LRP1B: variants seen among roughly 807,000 people sequenced by gnomAD.
LRP1B encodes the protein low-density lipoprotein receptor-related protein 1B.
LRP1B carries 217 observed loss-of-function variants against 556.6 expected under a neutral mutation model. The observed-to-expected ratio is 0.39, with a 90% confidence interval of 0.35 to 0.44. LRP1B has a LOEUF of 0.44. LRP1B is among the 20% of genes least tolerant of loss of function. The probability of loss-of-function intolerance (pLI) is 1.00; values close to 1 mark genes in which losing one functional copy is unlikely to be tolerated. For synonymous variants in LRP1B, 2,047 were observed against 1,865.8 expected, an observed-to-expected ratio of 1.10 and a Z score of -2.50; for missense variants, 5,053 against 5,620.8, an observed-to-expected ratio of 0.90 and a Z score of 3.23.
In LRP1B at chr2:140,654,855, AC is replaced by A. The variant is rs1684820373; in HGVS notation, c.6799+45394del. On this transcript the variant is annotated intron_variant, in intron 41 of 90. Coordinates refer to ENST00000389484, the MANE Select transcript of LRP1B (RefSeq NM_018557.3). ...ATCTGCTCTCCGTATTGTTCACTCA[AC>A]TCTATGCTAGTTTGTCATGTGAAAT... Among the ~76,000 whole-genome samples, 2 of 152,020 alleles carry A rather than the reference AC, an allele frequency of 1.3e-5. 1 individual carries two copies. Among genetic ancestry groups the A allele is most frequent in the South Asian group, 4.1e-4 (2 of 4,822 alleles).
intron 1 of LRP1B, among the ~76,000 whole-genome samples, chr2:141,841,812 A>AAT (rs1697483403): frequency 6.6e-6 from 1 of 152,196 alleles, no homozygotes; most frequent in South Asian, 2.1e-4. Context: ...ACCTGCTGAA[A>AAT]ATATTACATC....
At chr2:141,494,682 C>A (rs934585744) in intron 2 of LRP1B, among the ~76,000 whole-genome samples, 2 of 151,010 alleles carry the variant, frequency 1.3e-5, no homozygotes, top group Admixed American at 1.3e-4. Flanking sequence ...CAAAAGGCTT[C>A]TCTTTCCTCA....
chr2:141,578,935 C>T (rs575398252), intron 2 of LRP1B, among the ~76,000 whole-genome samples: 24 of 152,234 alleles, frequency 1.6e-4, no homozygotes, highest in African/African-American at 5.3e-4. Context: ...CAATACATGA[C>T]GATTTGAGTT....
chr2:140,730,943 T>C (rs1338618721), intron 35 of LRP1B, among the ~76,000 whole-genome samples: 1 of 152,166 alleles, frequency 6.6e-6, no homozygotes, highest in Non-Finnish European at 1.5e-5. Context: ...TTTCTGGTAG[T>C]GTCTCACACG....
chr2:140,446,048 T>C (rs1198894920), intron 63 of LRP1B, among the ~76,000 whole-genome samples: 1 of 133,970 alleles, frequency 7.5e-6, no homozygotes, highest in Non-Finnish European at 1.7e-5. Context: ...TCTGCTTCCA[T>C]AGAAATGAGA....
chr2:140,929,299 T>C (rs1694979271), intron 20 of LRP1B, among the ~76,000 whole-genome samples: 1 of 152,134 alleles, frequency 6.6e-6, no homozygotes, highest in South Asian at 2.1e-4. Flanking sequence ...AGTGGAAGAC[T>C]GTCCTGGACT....
chr2:141,900,689 T>G (rs1372607107), intron 1 of LRP1B, among the ~76,000 whole-genome samples: 1 of 152,068 alleles, frequency 6.6e-6, no homozygotes, highest in Non-Finnish European at 1.5e-5. Flanking sequence ...CTTAGCAAAT[T>G]AAAGATTCTT....
At chr2:140,664,527 G>C (rs560218333) in intron 41 of LRP1B, among the ~76,000 whole-genome samples, 3 of 152,018 alleles carry the variant, frequency 2.0e-5, no homozygotes, top group African/African-American at 7.2e-5. Flanking sequence ...TTTTAAAATA[G>C]GAAAGCATCT....
chr2:140,376,645 T>C (rs1683244657), intron 68 of LRP1B, among the ~76,000 whole-genome samples: 2 of 152,220 alleles, frequency 1.3e-5, no homozygotes, highest in Non-Finnish European at 2.9e-5. Flanking sequence ...TTTTCAACTT[T>C]TTCTCTTGAG....
intron 2 of LRP1B, among the ~76,000 whole-genome samples, chr2:141,530,952 T>C (rs1282619383): frequency 6.6e-6 from 1 of 151,440 alleles, no homozygotes; most frequent in East Asian, 2.0e-4. Context: ...ATCAAGATGT[T>C]TGGATTTTTT....
At chr2:141,050,936 G>GA (rs560603512) in intron 10 of LRP1B, among the ~76,000 whole-genome samples, 64 of 38,346 alleles carry the variant, frequency 1.7e-3, no homozygotes, top group South Asian at 5.8e-3. Flanking sequence ...ACATTTACAA[G>GA]AAAAAACCAA....
chr2:141,200,384 C>T (rs190762438), intron 6 of LRP1B, among the ~76,000 whole-genome samples: 389 of 151,974 alleles, frequency 2.6e-3, no homozygotes, highest in Non-Finnish European at 3.6e-3. Flanking sequence ...TGAGGCCTGC[C>T]GGGGGTGGGT....
intron 41 of LRP1B, among the ~76,000 whole-genome samples, chr2:140,653,030 C>A (rs1316771966): frequency 6.6e-6 from 1 of 151,966 alleles, no homozygotes; most frequent in African/African-American, 2.4e-5. Context: ...ATATCTCCAA[C>A]AGGAAAGACC....
At chr2:142,013,640 G>T (rs1002224904) in intron 1 of LRP1B, among the ~76,000 whole-genome samples, 1 of 151,860 alleles carries the variant, frequency 6.6e-6, no homozygotes. Flanking sequence ...GTTATGAGAA[G>T]TTTTGAAGAA....
intron 1 of LRP1B, among the ~76,000 whole-genome samples, chr2:142,124,043 T>A (rs984299371): frequency 6.6e-6 from 1 of 151,894 alleles, no homozygotes; most frequent in Non-Finnish European, 1.5e-5. Flanking sequence ...ATGTTTTTTT[T>A]AATTTTAATT....
intron 60 of LRP1B, among the ~76,000 whole-genome samples, chr2:140,472,374 A>G (rs1458369743): frequency 2.0e-5 from 3 of 152,164 alleles, no homozygotes; most frequent in Admixed American, 6.5e-5. Flanking sequence ...TATTAATATT[A>G]CATCATATGT....
intron 89 of LRP1B, among the ~76,000 whole-genome samples, chr2:140,235,563 A>G (rs1324366324): frequency 6.6e-6 from 1 of 151,122 alleles, no homozygotes; most frequent in Non-Finnish European, 1.5e-5. Context: ...ATTTATATTC[A>G]AATATCAGGA....
intron 16 of LRP1B, among the ~76,000 whole-genome samples, chr2:140,990,336 T>C (rs1172680392): frequency 1.3e-5 from 2 of 152,124 alleles, no homozygotes; most frequent in African/African-American, 2.4e-5. Context: ...ACATAACAAG[T>C]ATGTATTGAA....
chr2:141,691,929 T>C (rs1174071103), intron 2 of LRP1B, among the ~76,000 whole-genome samples: 1 of 152,010 alleles, frequency 6.6e-6, no homozygotes, highest in Non-Finnish European at 1.5e-5. Context: ...CATAAGTCTG[T>C]CACTTGTCTT....
Sources: allele counts gnomAD v4.1 joint callset (sites outside exome capture counted in the v4.1 genomes callset), GRCh38; gene constraint gnomAD v4.1.1; transcripts MANE v1.5; gene names NCBI Gene and HGNC (gene_info 2026-07-23, HGNC 2026-07-21).